ATP11A: variants seen among roughly 807,000 people sequenced by gnomAD.
ATP11A encodes phospholipid-transporting ATPase IH.
Under a neutral mutation model 154.4 loss-of-function variants are expected in ATP11A, and 81 were observed. That is an observed-to-expected ratio of 0.52 (90% CI 0.44 to 0.63). ATP11A has a LOEUF of 0.63. Among genes scored for constraint, ATP11A ranks in the 30% least tolerant of loss-of-function variants. ATP11A has a pLI of 0.00. For synonymous variants in ATP11A, 623 were observed against 585.9 expected (o/e 1.06, Z -0.91); for missense variants, 1,316 against 1,474.3 (o/e 0.89, Z 1.76).
intron 17 of ATP11A, among the ~76,000 whole-genome samples, chr13:112,847,567 G>T (rs900712033): frequency 1.3e-5 from 2 of 152,106 alleles, no homozygotes; most frequent in Non-Finnish European, 2.9e-5. Context: ...ATTTGATTAC[G>T]GTACCTGGAG....
At chr13:112,769,258 A>G (rs1482018909) in intron 1 of ATP11A, among the ~76,000 whole-genome samples, 1 of 152,210 alleles carries the variant, frequency 6.6e-6, no homozygotes, top group African/African-American at 2.4e-5. Context: ...AACCGGGCAC[A>G]GGACCTCCCG....
chr13:112,880,449 TC>T (rs2080850985), intron 29 of ATP11A: 5 of 1,071,942 alleles, frequency 4.7e-6, no homozygotes, highest in Non-Finnish European at 6.0e-6. Flanking sequence ...TCGAGCCTCT[TC>T]CTGCTGGGGT....
Position 112,886,397 on chromosome 13 carries a change from T to C in ATP11A, c.*4531T>C, listed in dbSNP as rs1432583133. The C allele has an allele frequency of 6.6e-6, 1 of 152,250 alleles. No homozygotes were observed. The highest frequency in any genetic ancestry group is 2.4e-5 in the African/African-American group (1 of 41,464). The allele number at this position is 152,250 out of a possible 1,614,324, so 9.4% of individuals were successfully genotyped here. ...CTAGTACTGAATAATACAACCACTC[T>C]TATTTAATGTTAGTATTATTTATTT... On this transcript the variant is annotated 3_prime_UTR_variant, in exon 30 of 30. Coordinates refer to ENST00000375645, the MANE Select transcript of ATP11A (RefSeq NM_015205.3).
Position 112,869,981 on chromosome 13 carries a change from C to G in ATP11A, c.2992-1754C>G, listed in dbSNP as rs1024197491. Among the ~76,000 whole-genome samples the G allele has an allele frequency of 2.6e-5, 4 of 152,228 alleles. No homozygotes were observed. The South Asian group carries it at 8.3e-4, about 32-fold the overall frequency. ...TGCACTCAGCAGCCCCTCCACCCCC[C>G]CATCCAAAGCTAGCAGACCCCACGC... is the stretch of plus-strand genomic sequence containing the variant. On this transcript the variant is annotated intron_variant, in intron 25 of 29. Transcript: ENST00000375645.
intron 1 of ATP11A, among the ~76,000 whole-genome samples, chr13:112,768,457 G>T (rs977112151): frequency 6.6e-6 from 1 of 152,218 alleles, no homozygotes; most frequent in Non-Finnish European, 1.5e-5. Context: ...CAGCTGAGCC[G>T]CCCTGGTGTC....
chr13:112,790,670 ACCT>A (rs1009697472), intron 2 of ATP11A, among the ~76,000 whole-genome samples: 13 of 150,270 alleles, frequency 8.7e-5, no homozygotes, highest in African/African-American at 3.2e-4. Flanking sequence ...CCTGCGATAG[ACCT>A]CCTTAATCCA....
At chr13:112,708,985 C>T (rs373545511) in intron 1 of ATP11A, among the ~76,000 whole-genome samples, 3 of 152,056 alleles carry the variant, frequency 2.0e-5, no homozygotes, top group Non-Finnish European at 4.4e-5. Context: ...GGGTAGACTC[C>T]GGGAGGGATG....
At chr13:112,858,010 G>A (rs776575300) in intron 21 of ATP11A, 90 bp downstream of exon 21, 33 of 1,564,304 alleles carry the variant, frequency 2.1e-5, no homozygotes, top group Middle Eastern at 3.5e-4. Context: ...GGTGCATTCA[G>A]GACACCCCCG....
intron 1 of ATP11A, among the ~76,000 whole-genome samples, chr13:112,764,572 G>T (rs560848969): frequency 1.3e-5 from 2 of 152,346 alleles, no homozygotes; most frequent in South Asian, 2.1e-4. Context: ...CCCAGGTGGG[G>T]CCTGTGGGCT....
chr13:112,758,086 A>G (rs1020361419), intron 1 of ATP11A, among the ~76,000 whole-genome samples: 1 of 152,220 alleles, frequency 6.6e-6, no homozygotes, highest in Non-Finnish European at 1.5e-5. Flanking sequence ...TTTTTGAGAC[A>G]GAGTCTTGCT....
chr13:112,866,984 A>AGCTACC (rs1463012382), intron 25 of ATP11A, among the ~76,000 whole-genome samples: 2 of 152,230 alleles, frequency 1.3e-5, no homozygotes, highest in Non-Finnish European at 2.9e-5. Flanking sequence ...CATCAAACAG[A>AGCTACC]GCTACCTGTT....
At chr13:112,873,817 C>A in intron 27 of ATP11A, 141 bp downstream of exon 27, 1 of 743,180 alleles carries the variant, frequency 1.3e-6, no homozygotes, top group African/African-American at 1.7e-5. Flanking sequence ...TGCTGGGTGT[C>A]GTGGGGTCCT....
Position 112,854,489 on chromosome 13 carries a change from C to G in ATP11A, c.2202C>G (p.Val734=). The change falls in exon 19 of 30, where the codon GTC becomes GTG. Residue 734 remains valine (V), a synonymous_variant. Coordinates refer to ENST00000375645, the MANE Select transcript of ATP11A (RefSeq NM_015205.3). The stretch of plus-strand genomic sequence containing the variant: ...TCCTGTTCGAGCTGAGCAAGACGGT[C>G]CTGCGCCACAGCGGGAGCCTGACCA... ...HDVLFELSKT[V]LRHSGSLTRD... 6.2e-7 allele frequency: 1 copy of G among 1,612,256 alleles called. No individual in the cohort carries two copies.
intron 2 of ATP11A, among the ~76,000 whole-genome samples, chr13:112,799,929 C>A (rs1382132150): frequency 1.3e-5 from 2 of 152,078 alleles, no homozygotes; most frequent in East Asian, 3.8e-4. Context: ...TTAAACAAAA[C>A]ACTACTAAAT....
At chr13:112,758,158 T>G (rs1394076861) in intron 1 of ATP11A, among the ~76,000 whole-genome samples, 1 of 151,938 alleles carries the variant, frequency 6.6e-6, no homozygotes, top group African/African-American at 2.4e-5. Context: ...ACTTCCCAGG[T>G]TCAAGCAATT....
rs112857733 is a variant in ATP11A at position 112,875,971 on chromosome 13, T to C, written c.3327+30T>C. The C allele has an allele frequency of 1.7e-4, 274 of 1,593,828 alleles. No homozygotes were observed. The African/African-American group carries it at 2.7e-3, about 16-fold the overall frequency. ...GGAGTGTCCCCAGCCGGGGCGGGGGTGCCTCAGGGCCCTGGCCTTAGGATT... is the reference window on the plus strand; with the variant it reads ...GGAGTGTCCCCAGCCGGGGCGGGGGCGCCTCAGGGCCCTGGCCTTAGGATT... On this transcript the variant is annotated intron_variant, in intron 28 of 29. Coordinates refer to ENST00000375645, the MANE Select transcript of ATP11A (RefSeq NM_015205.3). The surrounding 1 kb of genome is among the most constrained non-coding windows in gnomAD (Gnocchi z 4.1).
intron 1 of ATP11A, among the ~76,000 whole-genome samples, chr13:112,700,279 G>A (rs768741071): frequency 7.9e-5 from 12 of 152,164 alleles, no homozygotes; most frequent in Non-Finnish European, 1.2e-4. Context: ...CCCCCAATAC[G>A]GGAAGGGCAG....
intron 1 of ATP11A, among the ~76,000 whole-genome samples, chr13:112,740,743 G>A (rs1891462618): frequency 6.6e-6 from 1 of 152,172 alleles, no homozygotes; most frequent in African/African-American, 2.4e-5. Flanking sequence ...CAGATCCCAC[G>A]GGAGGACTTC....
At chr13:112,788,059 T>C (rs1487793254) in intron 2 of ATP11A, among the ~76,000 whole-genome samples, 9 of 150,116 alleles carry the variant, frequency 6.0e-5, no homozygotes, top group Non-Finnish European at 8.9e-5. Context: ...TAGACCCCTG[T>C]GGATACCTAC....
Sources: gnomAD v4.1 joint callset for allele counts (sites outside exome capture counted in the v4.1 genomes callset) on GRCh38, gnomAD v4.1.1 for gene constraint, Gnocchi (gnomAD v3.1) non-coding constraint, MANE v1.5 for transcripts, NCBI Gene and HGNC (gene_info 2026-07-23, HGNC 2026-07-21) for gene names.